Variants in PCARE observed in about 807,000 individuals in gnomAD.
PCARE encodes photoreceptor cilium actin regulator, also known as uncharacterized protein C2orf71.
PCARE carries 72 observed loss-of-function variants against 82.2 expected under a neutral mutation model. The ratio of observed to expected loss-of-function variants is 0.88; its 90% confidence interval spans 0.72 to 1.07. The LOEUF (loss-of-function observed/expected upper bound fraction) is 1.07, where lower values mean the gene tolerates loss of function less well. Ranked by LOEUF, PCARE falls within the 50% of genes least tolerant of loss-of-function variation. The pLI is 0.00. For synonymous variants in PCARE, 705 were observed against 634.8 expected, an observed-to-expected ratio of 1.11 and a Z score of -1.66; for missense variants, 1,768 against 1,592.4, an observed-to-expected ratio of 1.11 and a Z score of -1.88.
chr2:29,068,120 C>T (rs1008956441), intron 1 of PCARE, among the ~76,000 whole-genome samples: 11 of 152,238 alleles, frequency 7.2e-5, no homozygotes, highest in South Asian at 6.2e-4. Flanking sequence ...GAATAAGTGG[C>T]GGGAGTGAGG....
Position 29,071,517 on chromosome 2 carries a change from G to T in PCARE, c.2745C>A (p.Cys915Ter). The change falls in exon 1 of 2, where the codon TGC becomes TGA. Residue 915 changes from cysteine to a stop codon, truncating the protein, a stop_gained. Transcript: ENST00000331664. LOFTEE classifies it high-confidence loss of function. ...STGPGSGRSSCQPRKPALDLS... is the reference protein window; with the variant it reads ...STGPGSGRSS ...GGTCCAGGGCTGGCTTCCTGGGCTG[G>T]CAGCTGCTCCTGCCACTCCCTGGCC... 6.2e-7 allele frequency: 1 copy of T among 1,608,330 alleles called. No homozygotes were observed. The highest frequency in any genetic ancestry group is 1.1e-5 in the South Asian group (1 of 91,060).
intron 1 of PCARE, among the ~76,000 whole-genome samples, chr2:29,068,229 T>A (rs370277755): frequency 1.3e-5 from 2 of 152,352 alleles, no homozygotes; most frequent in South Asian, 2.1e-4. Context: ...ACATTAAGAT[T>A]CTTGCAAAAA....
intron 1 of PCARE, among the ~76,000 whole-genome samples, chr2:29,066,400 A>G (rs1558485632): frequency 6.6e-6 from 1 of 152,158 alleles, no homozygotes; most frequent in African/African-American, 2.4e-5. Context: ...AGAGCTCTCA[A>G]TCAGTTGCCT....
rs945597394 is a variant in PCARE at position 29,067,079 on chromosome 2, G to A, written c.3669-2012C>T. 3.0e-3 allele frequency among the ~76,000 whole-genome samples: 7 copies of A among 2,368 alleles called. No homozygotes were observed. In the East Asian group the frequency reaches 0.031, roughly 11 times the overall value. The allele number at this position is 2,368 out of a possible 152,430, so 1.6% of individuals were successfully genotyped here. On this transcript the variant is annotated intron_variant, in intron 1 of 1. Transcript: ENST00000331664. The stretch of plus-strand genomic sequence containing the variant: ...TTTTCTAAAAAGGGGGCTTCTGCCT[G>A]CACGGAGTGACTGGAAGGGCAGGCT...
chr2:29,065,840 C>T (rs1339926639), intron 1 of PCARE, among the ~76,000 whole-genome samples: 1 of 152,204 alleles, frequency 6.6e-6, no homozygotes, highest in Non-Finnish European at 1.5e-5. Context: ...ATCTTTGCTT[C>T]CTTCCTTATA....
chr2:29,073,739 C>T lies in PCARE; in HGVS notation c.523G>A (p.Asp175Asn), dbSNP rs1239707940. 7 of 1,614,166 alleles carry T rather than the reference C, an allele frequency of 4.3e-6. No individual in the cohort carries two copies. The highest frequency in any genetic ancestry group is 5.9e-6 in the Non-Finnish European group (7 of 1,180,036). The change falls in exon 1 of 2, where the codon GAC (aspartate) becomes AAC (asparagine). Residue 175 changes from aspartate to asparagine, a missense_variant. Physicochemically the swap from Asp to Asn is conservative, Grantham distance 23. Coordinates refer to ENST00000331664, the MANE Select transcript of PCARE (RefSeq NM_001029883.3). ...GCCTTTACCAGAGGCTCCGGGAAGTCCACTTTGCCTTCAGGCTCATGAGCA... is the reference window on the plus strand; with the variant it reads ...GCCTTTACCAGAGGCTCCGGGAAGTTCACTTTGCCTTCAGGCTCATGAGCA... Reference protein sequence around the residue: ...HPAHEPEGKVDFPEPLVKAHQ... With the variant: ...HPAHEPEGKVNFPEPLVKAHQ...
chr2:29,073,375 G>A lies in PCARE; in HGVS notation c.887C>T (p.Ser296Phe), dbSNP rs1667528488. 6.2e-7 allele frequency: 1 copy of A among 1,613,722 alleles called. No individual in the cohort carries two copies. Among genetic ancestry groups the A allele is most frequent in the African/African-American group, 1.3e-5 (1 of 74,940 alleles). ...TGCAGTGGAGTGGAGGTAGCTGCTGGAGCCCTCCAGGAAGCTGCCGGTGAG... is the reference window on the plus strand; with the variant it reads ...TGCAGTGGAGTGGAGGTAGCTGCTGAAGCCCTCCAGGAAGCTGCCGGTGAG... ...ASLTGSFLEG[S>F]SSYLHSTATH... is the part of the protein sequence containing the mutation. Residue 296 changes from serine (S) to phenylalanine (F), a missense_variant, in exon 1 of 2, where the codon TCC becomes TTC. Transcript: ENST00000331664.
rs770031230 is a variant in PCARE at position 29,064,654 on chromosome 2, T to A, written c.*215A>T. On this transcript the variant is annotated 3_prime_UTR_variant, in exon 2 of 2. Coordinates refer to ENST00000331664, the MANE Select transcript of PCARE (RefSeq NM_001029883.3). ...CATTGTGGGGTCTAAAAGTTCTGGT[T>A]AACCTTTGAACCCCAAGGCAGAGCA... 2 of 623,584 alleles carry A rather than the reference T, an allele frequency of 3.2e-6. No homozygotes were observed. The highest frequency in any genetic ancestry group is 5.7e-6 in the Non-Finnish European group (2 of 353,934). 38.6% of individuals were successfully genotyped at this position (623,584 alleles called of 1,614,324 possible). A position where few individuals can be genotyped will look rare whatever the true frequency, so the allele number is the denominator to read the frequency against.
chr2:29,066,116 C>A, intron 1 of PCARE, among the ~76,000 whole-genome samples: 1 of 152,014 alleles, frequency 6.6e-6, no homozygotes, highest in Non-Finnish European at 1.5e-5. Flanking sequence ...CCATAGCACT[C>A]CAGTCTGGGC....
Position 29,071,690 on chromosome 2 carries a change from A to T in PCARE, c.2572T>A (p.Ser858Thr). ...SPESSKSTEN[S>T]PKETQEPGPG... Reference sequence around the variant, plus strand: ...CCTGGCTCCTGGGTTTCCTTGGGGGAGTTCTCTGTGGACTTGCTGCTTTCT... The same window carrying T: ...CCTGGCTCCTGGGTTTCCTTGGGGGTGTTCTCTGTGGACTTGCTGCTTTCT... Residue 858 changes from serine to threonine, a missense_variant, in exon 1 of 2, where the codon TCC (serine) becomes ACC (threonine). Coordinates refer to ENST00000331664, the MANE Select transcript of PCARE (RefSeq NM_001029883.3). The T allele has an allele frequency of 6.2e-7, 1 of 1,613,854 alleles. No homozygotes were observed. The highest frequency in any genetic ancestry group is 1.3e-5 in the African/African-American group (1 of 74,954).
rs1157325537 is a variant in PCARE at position 29,071,498 on chromosome 2, G to C, written c.2764C>G (p.Leu922Val). The C allele has an allele frequency of 1.2e-6, 2 of 1,610,328 alleles. No homozygotes were observed. Among genetic ancestry groups the C allele is most frequent in the African/African-American group, 2.7e-5 (2 of 74,952 alleles). ...GTGGCTGGTGGGCTGCTCAGGTCCA[G>C]GGCTGGCTTCCTGGGCTGGCAGCTG... Reference protein sequence around the residue: ...RSSCQPRKPALDLSSPPATSQ... With the variant: ...RSSCQPRKPAVDLSSPPATSQ... Residue 922 changes from leucine to valine, a missense_variant, in exon 1 of 2, where the codon CTG (leucine) becomes GTG (valine). Leu to Val is a conservative substitution (Grantham distance 32). Transcript: ENST00000331664.
intron 1 of PCARE, 30 bp from the exon 2 acceptor site, chr2:29,065,097 G>T: frequency 6.5e-7 from 1 of 1,545,690 alleles, no homozygotes; most frequent in Non-Finnish European, 8.7e-7. Context: ...GTGCAGGTCA[G>T]ACACTCCTCC....
chr2:29,074,103 A>G lies in PCARE; in HGVS notation c.159T>C (p.Ala53=), dbSNP rs369005763. The change falls in exon 1 of 2, where the codon GCT becomes GCC. Residue 53 remains alanine, a synonymous_variant. Transcript: ENST00000331664. ...LLVKNSTCYD[A]GEGLAEEQPS... ...GCTGCTCCTCTGCCAGGCCCTCCCC[A>G]GCGTCATAGCAGGTGGAGTTTTTAA... 3.1e-6 allele frequency: 5 copies of G among 1,614,024 alleles called. No individual in the cohort carries two copies. The African/African-American group carries it at 5.3e-5, about 17-fold the overall frequency.
Position 29,071,756 on chromosome 2 carries a change from C to T in PCARE, c.2506G>A (p.Glu836Lys). Residue 836 changes from glutamate to lysine, a missense_variant, in exon 1 of 2, where the codon GAA (glutamate) becomes AAA (lysine). Coordinates refer to ENST00000331664, the MANE Select transcript of PCARE (RefSeq NM_001029883.3). ...GCGAATGATTTGTCCATCAGAACTT[C>T]CATAGGCGGTGGAGGGAGGTGCTCG... ...NLEHLPPPPM[E>K]VLMDKSFASL... 6.2e-7 allele frequency: 1 copy of T among 1,613,676 alleles called. No homozygotes were observed. The highest frequency in any genetic ancestry group is 1.1e-5 in the South Asian group (1 of 91,024).
At chr2:29,065,142 A>G (rs576420959) in intron 1 of PCARE, 75 bp from the exon 2 acceptor site, 246 of 1,480,996 alleles carry the variant, frequency 1.7e-4, no homozygotes, top group Middle Eastern at 1.8e-4. Flanking sequence ...CCTGTCCTCC[A>G]TTCTCCCTTT....
chr2:29,073,537 A>G lies in PCARE; in HGVS notation c.725T>C (p.Val242Ala), dbSNP rs1667533454. ...LLGEISKDGE[V>A]LLQEVREDLA... The stretch of plus-strand genomic sequence containing the variant: ...ATCCTCCCTGACTTCCTGCAGGAGC[A>G]CTTCTCCATCCTTGGAGATCTCCCC... The change falls in exon 1 of 2, where the codon GTG becomes GCG. Residue 242 changes from valine (V) to alanine (A), a missense_variant. Val to Ala is a moderately conservative substitution (Grantham distance 64). Coordinates refer to ENST00000331664, the MANE Select transcript of PCARE (RefSeq NM_001029883.3). The G allele has an allele frequency of 6.2e-7, 1 of 1,613,976 alleles. No homozygotes were observed. The highest frequency in any genetic ancestry group is 1.3e-5 in the African/African-American group (1 of 74,890).
Position 29,071,850 on chromosome 2 carries a change from G to A in PCARE, c.2412C>T (p.Ile804=). ...CTTCTGCTTTAGGCAGAGGGGGAAA[G>A]ATAGGTGCTAAGGGCTTCCAGCCTA... is the stretch of plus-strand genomic sequence containing the variant. The part of the protein sequence containing the change: ...MGIGWKPLAP[I]FPPLPKAEAA... The change falls in exon 1 of 2, where the codon ATC becomes ATT. Residue 804 remains isoleucine, a synonymous_variant. Coordinates refer to ENST00000331664, the MANE Select transcript of PCARE (RefSeq NM_001029883.3). 2 of 1,614,250 alleles carry A rather than the reference G, an allele frequency of 1.2e-6. No individual in the cohort carries two copies. The highest frequency in any genetic ancestry group is 8.5e-7 in the Non-Finnish European group (1 of 1,180,040).
At chr2:29,067,109 C>T (rs1667401691) in intron 1 of PCARE, among the ~76,000 whole-genome samples, 1 of 152,140 alleles carries the variant, frequency 6.6e-6, no homozygotes, top group Admixed American at 6.5e-5. Context: ...CAGGCTGGTT[C>T]AGCTTGCAGG....
At chr2:29,068,679 G>A (rs1332810596) in intron 1 of PCARE, among the ~76,000 whole-genome samples, 1 of 152,168 alleles carries the variant, frequency 6.6e-6, no homozygotes, top group African/African-American at 2.4e-5. Flanking sequence ...CTGCATGCCT[G>A]GGCCTGTCTG....
Sources: gnomAD v4.1 joint callset for allele counts (sites outside exome capture counted in the v4.1 genomes callset) on GRCh38, gnomAD v4.1.1 for gene constraint, MANE v1.5 for transcripts, NCBI Gene and HGNC (gene_info 2026-07-23, HGNC 2026-07-21) for gene names.